NRP2: variants seen among roughly 807,000 people sequenced by gnomAD.
NRP2 encodes the protein neuropilin-2.
In NRP2, 52 loss-of-function variants were observed where a neutral mutation model predicts 110.4. That is an observed-to-expected ratio of 0.47 (90% CI 0.38 to 0.59). NRP2 has a LOEUF of 0.59. NRP2 is among the 20% of genes least tolerant of loss of function. The pLI is 0.00. For synonymous variants in NRP2, 508 were observed against 468.9 expected (o/e 1.08, Z -1.08); for missense variants, 1,049 against 1,203.0 (o/e 0.87, Z 1.89).
At chr2:205,774,998 A>G (rs2058076721) in intron 15 of NRP2, among the ~76,000 whole-genome samples, 1 of 151,964 alleles carries the variant, frequency 6.6e-6, no homozygotes. Context: ...GAGGGGGACC[A>G]CCCTCTGCTC....
intron 16 of NRP2, among the ~76,000 whole-genome samples, chr2:205,794,406 G>A (rs971884407): frequency 1.3e-5 from 2 of 152,266 alleles, no homozygotes; most frequent in Middle Eastern, 3.4e-3. Context: ...CACCGCGCCC[G>A]GCCTCAAATT....
At chr2:205,738,552 C>T (rs548569573) in intron 7 of NRP2, among the ~76,000 whole-genome samples, 1 of 152,334 alleles carries the variant, frequency 6.6e-6, no homozygotes, top group South Asian at 2.1e-4. Context: ...CACCACTCCC[C>T]TTGGGCCTTC....
At chr2:205,777,032 T>C in intron 15 of NRP2, 1 of 1,014,882 alleles carries the variant, frequency 9.9e-7, no homozygotes, top group Non-Finnish European at 1.2e-6. Context: ...GAGGGGTGAG[T>C]GTTCAGAGAG....
chr2:205,706,502 C>T (rs758316230), intron 2 of NRP2, among the ~76,000 whole-genome samples: 2 of 152,124 alleles, frequency 1.3e-5, no homozygotes, highest in Non-Finnish European at 2.9e-5. Flanking sequence ...TTCGTCCCCA[C>T]CCGACCCCCC....
chr2:205,793,328 T>A (rs2058321823), intron 16 of NRP2, among the ~76,000 whole-genome samples: 1 of 152,236 alleles, frequency 6.6e-6, no homozygotes, highest in Non-Finnish European at 1.5e-5. Context: ...GTTGCCTAAT[T>A]TCTTTAAACC....
intron 16 of NRP2, among the ~76,000 whole-genome samples, chr2:205,793,365 T>C (rs2058322086): frequency 6.6e-6 from 1 of 152,206 alleles, no homozygotes; most frequent in Non-Finnish European, 1.5e-5. Flanking sequence ...TTAAAATATA[T>C]ATAATATCCT....
intron 7 of NRP2, among the ~76,000 whole-genome samples, chr2:205,730,707 T>C (rs936978077): frequency 1.3e-5 from 2 of 152,106 alleles, no homozygotes; most frequent in Non-Finnish European, 2.9e-5. Flanking sequence ...CAATGCAGCA[T>C]ACCAAAGACC....
At chr2:205,753,869 G>A (rs2057692119) in intron 12 of NRP2, among the ~76,000 whole-genome samples, 1 of 152,078 alleles carries the variant, frequency 6.6e-6, no homozygotes, top group Non-Finnish European at 1.5e-5. Flanking sequence ...TTTCCATTGT[G>A]CAAATACAGT....
At chr2:205,716,423 A>G (rs1463964791) in intron 3 of NRP2, 49 bp downstream of exon 3, 3 of 1,599,310 alleles carry the variant, frequency 1.9e-6, no homozygotes, top group Non-Finnish European at 2.6e-6. Flanking sequence ...CTTAGAGAAG[A>G]AGGAGGGACA....
chr2:205,741,849 TA>T (rs1036753598), intron 8 of NRP2, among the ~76,000 whole-genome samples: 3 of 152,108 alleles, frequency 2.0e-5, no homozygotes, highest in African/African-American at 7.2e-5. Context: ...CCCTGTGAGG[TA>T]AGGTGGGCCA....
At chr2:205,781,489 G>A (rs1475312847) in intron 15 of NRP2, among the ~76,000 whole-genome samples, 1 of 152,234 alleles carries the variant, frequency 6.6e-6, no homozygotes, top group Non-Finnish European at 1.5e-5. Context: ...AAGCTGAGGT[G>A]GCACAGTGTT....
intron 3 of NRP2, among the ~76,000 whole-genome samples, chr2:205,718,628 G>A (rs758238542): frequency 6.6e-6 from 1 of 152,188 alleles, no homozygotes; most frequent in Non-Finnish European, 1.5e-5. Context: ...TGCTGGAAGA[G>A]CAACTGTCCG....
chr2:205,733,776 C>T (rs1393196969), intron 7 of NRP2, among the ~76,000 whole-genome samples: 4 of 151,926 alleles, frequency 2.6e-5, no homozygotes, highest in South Asian at 2.1e-4. Flanking sequence ...CTGTGCTCCT[C>T]CCCCGCCTGC....
intron 2 of NRP2, among the ~76,000 whole-genome samples, chr2:205,704,321 G>T (rs984634399): frequency 6.6e-6 from 1 of 152,184 alleles, no homozygotes; most frequent in Non-Finnish European, 1.5e-5. Context: ...AATTCTGTGT[G>T]GTTCAAGAGG....
chr2:205,701,013 G>T (rs1428493709), intron 2 of NRP2: 2 of 225,012 alleles, frequency 8.9e-6, no homozygotes, highest in East Asian at 2.6e-4. Context: ...GGATGTTGCT[G>T]CTCCGGCAGA....
At chr2:205,743,593 AG>A (rs761078425) in intron 9 of NRP2, 41 bp downstream of exon 9, 1 of 1,607,290 alleles carries the variant, frequency 6.2e-7, no homozygotes, top group South Asian at 1.1e-5. Flanking sequence ...TACCCTCAAC[AG>A]GGAGGCTAAG....
chr2:205,685,596 G>C (rs2056132820), intron 1 of NRP2, among the ~76,000 whole-genome samples: 1 of 152,212 alleles, frequency 6.6e-6, no homozygotes, highest in South Asian at 2.1e-4. Context: ...CGCGTGGCTG[G>C]GAGGCCGCAT....
intron 16 of NRP2, among the ~76,000 whole-genome samples, chr2:205,794,206 G>T (rs1419977270): frequency 6.6e-6 from 1 of 152,266 alleles, no homozygotes; most frequent in East Asian, 1.9e-4. Flanking sequence ...TGCCTCCCAG[G>T]TTCACGCCAT....
intron 16 of NRP2, among the ~76,000 whole-genome samples, chr2:205,793,979 A>C (rs17478455): frequency 0.033 from 4,986 of 152,282 alleles, 119 homozygotes; most frequent in Middle Eastern, 0.075. Context: ...CTGTCCTTTC[A>C]TTAGCTTGAG....
Sources: gnomAD v4.1 joint callset for allele counts (sites outside exome capture counted in the v4.1 genomes callset) on GRCh38, gnomAD v4.1.1 for gene constraint, MANE v1.5 for transcripts, NCBI Gene and HGNC (gene_info 2026-07-23, HGNC 2026-07-21) for gene names.